Variants in ITFG1 observed in about 807,000 individuals in gnomAD.
ITFG1 encodes the protein T-cell immunomodulatory protein.
A neutral mutation model predicts 81.8 loss-of-function variants in ITFG1; 34 were observed. The ratio of observed to expected loss-of-function variants is 0.42; its 90% CI spans 0.32 to 0.55. ITFG1 has a LOEUF of 0.55. Among genes scored for constraint, ITFG1 ranks in the 20% least tolerant of loss-of-function variants. The pLI, the probability that ITFG1 is intolerant of heterozygous loss-of-function variation, is 0.17. For missense variants in ITFG1, 672 were observed against 755.4 expected (o/e 0.89, Z 1.29); for synonymous variants, 285 against 270.6 (o/e 1.05, Z -0.52).
At chr16:47,176,953 CTTTTTTT>C (rs746522529) in intron 14 of ITFG1, among the ~76,000 whole-genome samples, 1 of 135,198 alleles carries the variant, frequency 7.4e-6, no homozygotes, top group Non-Finnish European at 1.6e-5. Flanking sequence ...TCTTCTTCTT[CTTTTTTT>C]TTTTTTTTTT....
At chr16:47,453,489 T>C (rs1425243245) in intron 3 of ITFG1, among the ~76,000 whole-genome samples, 1 of 152,202 alleles carries the variant, frequency 6.6e-6, no homozygotes, top group Non-Finnish European at 1.5e-5. Context: ...GCCTTGCCAA[T>C]CAGATACACT....
At chr16:47,255,923 C>T (rs1188152444) in intron 12 of ITFG1, among the ~76,000 whole-genome samples, 1 of 151,938 alleles carries the variant, frequency 6.6e-6, no homozygotes, top group Admixed American at 6.6e-5. Flanking sequence ...CTGCTTTTCA[C>T]CAAGAAGGAT....
In ITFG1 at chr16:47,403,602, T is replaced by C. The variant is rs147027063; in HGVS notation, c.655+25202A>G. Among the ~76,000 whole-genome samples the C allele has an allele frequency of 7.5e-3, 1,141 of 152,252 alleles. 19 individuals are homozygous for C. The highest frequency in any genetic ancestry group is 0.026 in the African/African-American group (1,081 of 41,542). On this transcript the variant is annotated intron_variant, in intron 6 of 17. Transcript: ENST00000320640. ...ATTAGATGACATTATGCAATTACCA[T>C]TAATTGTCTTAGATGTGCTAATGGC...
intron 14 of ITFG1, among the ~76,000 whole-genome samples, chr16:47,191,211 T>C (rs567135878): frequency 9.8e-5 from 15 of 152,306 alleles, no homozygotes; most frequent in African/African-American, 3.6e-4. Flanking sequence ...GGAGTTTCAG[T>C]TGACATATCT....
In ITFG1 at chr16:47,365,846, A is replaced by C. The variant is rs754555703; in HGVS notation, c.744T>G (p.Thr248=). 2 of 1,597,544 alleles carry C rather than the reference A, an allele frequency of 1.3e-6. No individual in the cohort carries two copies. Among genetic ancestry groups the C allele is most frequent in the South Asian group, 2.2e-5 (2 of 90,458 alleles). ...ENLDGNFSVS[T]ILEKPQNMMV... is the part of the protein sequence containing the mutation. ...TCATATTTTGAGGTTTTTCCAATAT[A>C]GTACTGACAGAGAAGTTTCCATCCT... is the stretch of plus-strand genomic sequence containing the variant. Residue 248 remains threonine (T), a synonymous_variant, in exon 8 of 18, where the codon ACT becomes ACG. Transcript: ENST00000320640.
intron 11 of ITFG1, among the ~76,000 whole-genome samples, chr16:47,260,287 G>C (rs1966193482): frequency 2.6e-5 from 4 of 152,162 alleles, no homozygotes; most frequent in Admixed American, 2.6e-4. Context: ...GCCAGTCTTA[G>C]AGCATGATGC....
At chr16:47,409,372 CACTATATATATA>C (rs1285274404) in intron 6 of ITFG1, among the ~76,000 whole-genome samples, 1 of 64,230 alleles carries the variant, frequency 1.6e-5, no homozygotes, top group Admixed American at 2.5e-4. Flanking sequence ...CATACACACA[CACTATATATATA>C]TATATATATA....
intron 2 of ITFG1, among the ~76,000 whole-genome samples, chr16:47,457,936 C>G (rs1265341409): frequency 6.6e-6 from 1 of 152,130 alleles, no homozygotes; most frequent in Non-Finnish European, 1.5e-5. Context: ...ATAACTTTCC[C>G]CTCAAAGTTC....
At chr16:47,371,212 T>C (rs1295568761) in intron 7 of ITFG1, among the ~76,000 whole-genome samples, 1 of 152,232 alleles carries the variant, frequency 6.6e-6, no homozygotes, top group Non-Finnish European at 1.5e-5. Context: ...GCAGCTCCAC[T>C]GTTTGCTAGC....
At chr16:47,207,495 G>T (rs1965515282) in intron 14 of ITFG1, among the ~76,000 whole-genome samples, 4 of 152,204 alleles carry the variant, frequency 2.6e-5, no homozygotes, top group Admixed American at 1.3e-4. Context: ...GGGGAGTGTT[G>T]TGGTTTTCAA....
At chr16:47,331,610 T>C (rs1194890314) in intron 8 of ITFG1, among the ~76,000 whole-genome samples, 2 of 152,208 alleles carry the variant, frequency 1.3e-5, no homozygotes, top group South Asian at 4.1e-4. Flanking sequence ...GAAATATCTA[T>C]CTTTGTGAGA....
intron 8 of ITFG1, among the ~76,000 whole-genome samples, chr16:47,360,708 G>A (rs114875998): frequency 3.0e-4 from 45 of 152,140 alleles, no homozygotes; most frequent in African/African-American, 8.9e-4. Flanking sequence ...CACACACGGC[G>A]CATCTGATTT....
intron 14 of ITFG1, among the ~76,000 whole-genome samples, chr16:47,186,592 G>A (rs1272788821): frequency 6.6e-6 from 1 of 152,104 alleles, no homozygotes; most frequent in Non-Finnish European, 1.5e-5. Flanking sequence ...AACAAATTAG[G>A]TATTGATGGG....
intron 10 of ITFG1, among the ~76,000 whole-genome samples, chr16:47,267,178 G>A (rs1966286911): frequency 6.6e-6 from 1 of 152,144 alleles, no homozygotes; most frequent in African/African-American, 2.4e-5. Flanking sequence ...TGGGTGAATT[G>A]TATGGCAAGT....
intron 2 of ITFG1, among the ~76,000 whole-genome samples, chr16:47,457,756 C>T (rs908502249): frequency 2.0e-5 from 3 of 151,970 alleles, no homozygotes; most frequent in African/African-American, 7.3e-5. Context: ...GAACACATGC[C>T]ATTTACATCT....
intron 8 of ITFG1, among the ~76,000 whole-genome samples, chr16:47,330,018 A>G (rs1044904723): frequency 6.6e-6 from 1 of 152,120 alleles, no homozygotes; most frequent in South Asian, 2.1e-4. Context: ...ACAGATTCTT[A>G]GTTTCTTCTG....
chr16:47,456,411 C>G (rs369009716), intron 2 of ITFG1, among the ~76,000 whole-genome samples: 2 of 151,912 alleles, frequency 1.3e-5, no homozygotes, highest in East Asian at 1.9e-4. Flanking sequence ...GGGTAGATGC[C>G]GGGCGCGGTG....
intron 5 of ITFG1, among the ~76,000 whole-genome samples, chr16:47,442,237 T>C (rs1254350751): frequency 6.6e-6 from 1 of 152,070 alleles, no homozygotes; most frequent in Non-Finnish European, 1.5e-5. Flanking sequence ...ATCAATATCG[T>C]GAAAATGGCC....
At chr16:47,414,558 C>CA (rs1968851206) in intron 6 of ITFG1, among the ~76,000 whole-genome samples, 1 of 151,676 alleles carries the variant, frequency 6.6e-6, no homozygotes, top group African/African-American at 2.4e-5. Flanking sequence ...AAACAAACAA[C>CA]AACAACAACA....
Sources: allele counts gnomAD v4.1 joint callset (sites outside exome capture counted in the v4.1 genomes callset), GRCh38; gene constraint gnomAD v4.1.1; transcripts MANE v1.5; gene names NCBI Gene and HGNC (gene_info 2026-07-23, HGNC 2026-07-21).